Variants in ZCCHC17 observed in about 807,000 individuals in gnomAD.
ZCCHC17 encodes zinc finger CCHC domain-containing protein 17.
ZCCHC17 carries 18 observed loss-of-function variants against 30.6 expected under a neutral mutation model. The ratio of observed to expected loss-of-function variants is 0.59; its 90% CI spans 0.41 to 0.87. The LOEUF is 0.87. Among genes scored for constraint, ZCCHC17 ranks in the 40% least tolerant of loss-of-function variants. The probability of loss-of-function intolerance (pLI) is 0.00; values close to 1 mark genes in which losing one functional copy is unlikely to be tolerated. For synonymous variants in ZCCHC17, 88 were observed against 92.4 expected (o/e 0.95, Z 0.27); for missense variants, 263 against 284.2 (o/e 0.93, Z 0.54).
intron 2 of ZCCHC17, among the ~76,000 whole-genome samples, chr1:31,318,870 C>T (rs760787050): frequency 4.6e-5 from 7 of 152,122 alleles, no homozygotes; most frequent in Non-Finnish European, 8.8e-5. Flanking sequence ...TCCTCAGTAT[C>T]ATCACACCGT....
At chr1:31,358,164 A>G (rs955123064) in intron 7 of ZCCHC17, among the ~76,000 whole-genome samples, 8 of 152,226 alleles carry the variant, frequency 5.3e-5, no homozygotes, top group African/African-American at 1.7e-4. Flanking sequence ...GTAACAGCTG[A>G]TGTTGGGAAA....
chr1:31,358,808 C>T (rs1335201726), intron 7 of ZCCHC17, among the ~76,000 whole-genome samples: 1 of 151,718 alleles, frequency 6.6e-6, no homozygotes, highest in Non-Finnish European at 1.5e-5. Flanking sequence ...AGGGAGAGGC[C>T]CAGGTAAGAT....
At chr1:31,344,906 G>T (rs1639185569) in intron 5 of ZCCHC17, among the ~76,000 whole-genome samples, 1 of 143,532 alleles carries the variant, frequency 7.0e-6, no homozygotes, top group African/African-American at 2.6e-5. Flanking sequence ...TGTCACCCAG[G>T]CTGGAGTACA....
intron 3 of ZCCHC17, among the ~76,000 whole-genome samples, chr1:31,320,504 A>G (rs1646836524): frequency 6.6e-6 from 1 of 152,196 alleles, no homozygotes; most frequent in African/African-American, 2.4e-5. Context: ...GCTTTAGGCA[A>G]TCATTATTCT....
intron 1 of ZCCHC17, among the ~76,000 whole-genome samples, chr1:31,298,122 A>G (rs1274318188): frequency 1.3e-5 from 2 of 152,220 alleles, no homozygotes; most frequent in East Asian, 1.9e-4. Context: ...TGGGATATGC[A>G]GTAATCCTGG....
chr1:31,312,215 C>G (rs1021295179), intron 2 of ZCCHC17, among the ~76,000 whole-genome samples: 3 of 152,168 alleles, frequency 2.0e-5, no homozygotes, highest in Non-Finnish European at 2.9e-5. Flanking sequence ...GGTCTCAGCC[C>G]TAATGTCTCC....
intron 1 of ZCCHC17, among the ~76,000 whole-genome samples, chr1:31,300,260 A>G (rs993878738): frequency 6.6e-6 from 1 of 151,948 alleles, no homozygotes; most frequent in Non-Finnish European, 1.5e-5. Flanking sequence ...AGGTCTTGCC[A>G]TGTTGTCCAG....
In ZCCHC17 at chr1:31,364,334, C is replaced by T. The variant is rs1640051081; in HGVS notation, c.*141C>T. ...CCATGGGAGATGGCTTCCCCTCATGCAACAGGCAGGTTTGGGAGTTAGAGG... is the reference window on the plus strand; with the variant it reads ...CCATGGGAGATGGCTTCCCCTCATGTAACAGGCAGGTTTGGGAGTTAGAGG... On this transcript the variant is annotated 3_prime_UTR_variant, in exon 8 of 8. Transcript: ENST00000344147. The T allele has an allele frequency of 7.1e-7, 1 of 1,404,738 alleles. No homozygotes were observed. Among genetic ancestry groups the T allele is most frequent in the Non-Finnish European group, 9.4e-7 (1 of 1,065,010 alleles). The allele number at this position is 1,404,738 out of a possible 1,614,324, so 87.0% of individuals were successfully genotyped here. A position where few individuals can be genotyped will look rare whatever the true frequency, so the allele number is the denominator to read the frequency against.
At chr1:31,352,690 T>C (rs1639510381) in intron 7 of ZCCHC17, among the ~76,000 whole-genome samples, 1 of 152,092 alleles carries the variant, frequency 6.6e-6, no homozygotes, top group Non-Finnish European at 1.5e-5. Context: ...CAAGCAGTCT[T>C]CCCACCTTGG....
intron 2 of ZCCHC17, 76 bp from the exon 3 acceptor site, chr1:31,319,033 G>T (rs1216045202): frequency 1.3e-6 from 2 of 1,515,226 alleles, no homozygotes; most frequent in African/African-American, 2.8e-5. Context: ...GTACAGATTT[G>T]GGGAGACTAG....
chr1:31,329,620 AT>A (rs1408653892), intron 3 of ZCCHC17, among the ~76,000 whole-genome samples: 1 of 152,226 alleles, frequency 6.6e-6, no homozygotes, highest in Non-Finnish European at 1.5e-5. Flanking sequence ...GTGGCGTGTA[AT>A]AAAAATGAGT....
chr1:31,309,564 C>T (rs1646547849), intron 1 of ZCCHC17, among the ~76,000 whole-genome samples: 1 of 152,168 alleles, frequency 6.6e-6, no homozygotes, highest in Non-Finnish European at 1.5e-5. Flanking sequence ...CGTCCGACCT[C>T]AGCAACCACA....
At chr1:31,357,968 G>A (rs1639711029) in intron 7 of ZCCHC17, among the ~76,000 whole-genome samples, 1 of 151,954 alleles carries the variant, frequency 6.6e-6, no homozygotes, top group Non-Finnish European at 1.5e-5. Flanking sequence ...TGTTCAGGCT[G>A]GTCTTGAACT....
intron 7 of ZCCHC17, among the ~76,000 whole-genome samples, chr1:31,352,706 T>G (rs904827230): frequency 2.6e-5 from 4 of 152,102 alleles, no homozygotes; most frequent in Non-Finnish European, 5.9e-5. Flanking sequence ...CTTGGCCTCC[T>G]AAAGTGCTGG....
At chr1:31,361,224 C>G (rs764092045) in intron 7 of ZCCHC17, among the ~76,000 whole-genome samples, 2 of 152,204 alleles carry the variant, frequency 1.3e-5, no homozygotes, top group Non-Finnish European at 2.9e-5. Flanking sequence ...GTTGCCTTCT[C>G]TCTACTCCAT....
At position 31,353,582 on chromosome 1, in the gene ZCCHC17, C is replaced by G. The variant is rs188803812; in HGVS notation, c.564+4608C>G. ...CATTGCCAAATCCAATGTCATGAAGCTTTTCCCTTATATTTTTCTAAGAGT... is the reference window on the plus strand; with the variant it reads ...CATTGCCAAATCCAATGTCATGAAGGTTTTCCCTTATATTTTTCTAAGAGT... On this transcript the variant is annotated intron_variant, in intron 7 of 7. Transcript: ENST00000344147. Among the ~76,000 whole-genome samples the G allele has an allele frequency of 2.9e-4, 44 of 152,244 alleles. No individual in the cohort carries two copies. In the East Asian group the frequency reaches 5.4e-3, roughly 19 times the overall value.
At chr1:31,313,468 T>C (rs1164884553) in intron 2 of ZCCHC17, among the ~76,000 whole-genome samples, 1 of 152,236 alleles carries the variant, frequency 6.6e-6, no homozygotes, top group Non-Finnish European at 1.5e-5. Context: ...TACATCCTAA[T>C]AATGTGAGGT....
chr1:31,310,283 A>G, intron 2 of ZCCHC17, 119 bp downstream of exon 2: 1 of 956,178 alleles, frequency 1.0e-6, no homozygotes, highest in Non-Finnish European at 1.5e-6. Flanking sequence ...TTAAATGGGA[A>G]GGGCCAGCGG....
intron 1 of ZCCHC17, among the ~76,000 whole-genome samples, chr1:31,302,825 T>C (rs1452148792): frequency 1.3e-5 from 2 of 151,968 alleles, no homozygotes; most frequent in African/African-American, 4.8e-5. Flanking sequence ...TCTGTCACTA[T>C]CATGAGAACA....
Sources: allele counts gnomAD v4.1 joint callset (sites outside exome capture counted in the v4.1 genomes callset), GRCh38; gene constraint gnomAD v4.1.1; transcripts MANE v1.5; gene names NCBI Gene and HGNC (gene_info 2026-07-23, HGNC 2026-07-21).